Variants in GALNT2 observed in about 807,000 individuals in gnomAD.
GALNT2 encodes the protein UDP-GalNAc:polypeptide N-acetylgalactosaminyltransferase 2.
Under a neutral mutation model 81.4 loss-of-function variants are expected in GALNT2, and 31 were observed. That is an observed-to-expected ratio of 0.38 (90% confidence interval 0.29 to 0.51). The LOEUF (loss-of-function observed/expected upper bound fraction) is 0.51. Among genes scored for constraint, GALNT2 ranks in the 20% least tolerant of loss-of-function variants. The probability of loss-of-function intolerance (pLI) is 0.87; values close to 1 mark genes in which losing one functional copy is unlikely to be tolerated. For missense variants in GALNT2, 629 were observed against 765.7 expected (o/e 0.82, Z 2.11); for synonymous variants, 303 against 287.4 (o/e 1.05, Z -0.55).
At chr1:230,092,265 C>G (rs1660115906) in intron 1 of GALNT2, among the ~76,000 whole-genome samples, 1 of 142,596 alleles carries the variant, frequency 7.0e-6, no homozygotes, top group South Asian at 2.2e-4. Flanking sequence ...TCATTAGCTA[C>G]TTTCTAAATC....
intron 1 of GALNT2, among the ~76,000 whole-genome samples, chr1:230,092,739 A>G (rs16850893): frequency 0.016 from 2,469 of 152,328 alleles, 66 homozygotes; most frequent in African/African-American, 0.056. Flanking sequence ...TTTAAGCAAC[A>G]TATATCTCTA....
chr1:230,099,060 G>A (rs569826406), intron 1 of GALNT2, among the ~76,000 whole-genome samples: 1 of 152,344 alleles, frequency 6.6e-6, no homozygotes, highest in East Asian at 1.9e-4. Flanking sequence ...TCAGCTTCAT[G>A]TAGCCAAGGA....
intron 1 of GALNT2, among the ~76,000 whole-genome samples, chr1:230,150,761 G>T (rs896211907): frequency 1.3e-5 from 2 of 152,250 alleles, no homozygotes; most frequent in Admixed American, 6.5e-5. Context: ...GGGAGGCACA[G>T]ACACACACTC....
intron 1 of GALNT2, among the ~76,000 whole-genome samples, chr1:230,114,116 CAG>C (rs1056215926): frequency 1.3e-5 from 2 of 152,080 alleles, no homozygotes; most frequent in Non-Finnish European, 2.9e-5. Flanking sequence ...TCTGTTAGGA[CAG>C]GGGGTTTCTG....
chr1:230,273,048 G>C (rs1014023910), intron 14 of GALNT2, among the ~76,000 whole-genome samples: 1 of 152,114 alleles, frequency 6.6e-6, no homozygotes, highest in Admixed American at 6.5e-5. Flanking sequence ...TGGGATTATA[G>C]ATAGGCCTGA....
intron 14 of GALNT2, among the ~76,000 whole-genome samples, chr1:230,270,506 C>T (rs1368672741): frequency 1.3e-5 from 2 of 152,234 alleles, no homozygotes; most frequent in African/African-American, 4.8e-5. Context: ...AGTTTAATTT[C>T]ATTTCATTCT....
chr1:230,109,866 GCAGT>G (rs1014994336), intron 1 of GALNT2, among the ~76,000 whole-genome samples: 121 of 152,266 alleles, frequency 7.9e-4, no homozygotes, highest in South Asian at 2.9e-3. Flanking sequence ...TGTTAGGGAG[GCAGT>G]CAGTGAGCCT....
intron 3 of GALNT2, among the ~76,000 whole-genome samples, chr1:230,219,051 A>G (rs1297118654): frequency 6.6e-6 from 1 of 152,162 alleles, no homozygotes; most frequent in African/African-American, 2.4e-5. Context: ...ATCCCAAACC[A>G]TCTCCCCTCT....
Position 230,222,845 on chromosome 1 carries a change from ATAGT to A in GALNT2, c.375-13165_375-13162del, listed in dbSNP as rs529771363. On this transcript the variant is annotated intron_variant, in intron 3 of 15. Transcript: ENST00000366672. ...CTGTTGTTATTGTTACTAAGATTTG[ATAGT>A]TAGAGAAACAGAACTTGCCCCATTA... Among the ~76,000 whole-genome samples, 583 of 152,266 alleles carry A rather than the reference ATAGT, an allele frequency of 3.8e-3. 6 individuals carry two copies. The highest frequency in any genetic ancestry group is 0.014 in the African/African-American group (564 of 41,540).
At chr1:230,075,140 T>TTTTTTTTG (rs1399602658) in intron 1 of GALNT2, among the ~76,000 whole-genome samples, 3 of 145,338 alleles carry the variant, frequency 2.1e-5, no homozygotes, top group African/African-American at 5.2e-5. Context: ...TTTTTTTTTT[T>TTTTTTTTG]TTTGAGACAA....
intron 1 of GALNT2, among the ~76,000 whole-genome samples, chr1:230,111,434 A>C (rs1281914356): frequency 6.6e-6 from 1 of 152,216 alleles, no homozygotes; most frequent in African/African-American, 2.4e-5. Context: ...ATTTACCTAC[A>C]TTTCAAGGTG....
At position 230,098,925 on chromosome 1, in the gene GALNT2, C is replaced by T. The variant is rs945828237; in HGVS notation, c.126+31519C>T. Among the ~76,000 whole-genome samples the T allele has an allele frequency of 3.9e-5, 6 of 152,110 alleles. No homozygotes were observed. In the South Asian group the frequency reaches 6.2e-4, roughly 16 times the overall value. On this transcript the variant is annotated intron_variant, in intron 1 of 15. Transcript: ENST00000366672. Reference sequence around the variant, plus strand: ...TTCCTATATGAATCTGGGTGATTGACAAGAAATTCTAGTGGAAGTGACATG... The same window carrying T: ...TTCCTATATGAATCTGGGTGATTGATAAGAAATTCTAGTGGAAGTGACATG...
At chr1:230,210,879 G>A (rs999817100) in intron 3 of GALNT2, among the ~76,000 whole-genome samples, 14 of 152,192 alleles carry the variant, frequency 9.2e-5, no homozygotes, top group African/African-American at 3.4e-4. Flanking sequence ...AGGATTGTGG[G>A]GAAAGATAAA....
chr1:230,222,298 T>A (rs562924338), intron 3 of GALNT2, among the ~76,000 whole-genome samples: 2 of 152,230 alleles, frequency 1.3e-5, no homozygotes, highest in African/African-American at 2.4e-5. Flanking sequence ...CTTTTCTCTT[T>A]AATGCATTCA....
At chr1:230,274,606 G>T in intron 15 of GALNT2, 42 bp downstream of exon 15, 2 of 1,611,020 alleles carry the variant, frequency 1.2e-6, no homozygotes, top group South Asian at 1.1e-5. Flanking sequence ...GATTAACCCA[G>T]ACCAGGGTAG....
intron 2 of GALNT2, among the ~76,000 whole-genome samples, chr1:230,197,429 C>T (rs564948182): frequency 6.6e-6 from 1 of 152,146 alleles, no homozygotes; most frequent in African/African-American, 2.4e-5. Context: ...CCTGCTCGCC[C>T]CCCCGGGGTC....
Position 230,279,550 on chromosome 1 carries a change from G to A in GALNT2, c.*92G>A, listed in dbSNP as rs1421617751. 9.1e-6 allele frequency: 13 copies of A among 1,431,072 alleles called. No individual in the cohort carries two copies. The highest frequency in any genetic ancestry group is 2.5e-4 in the Middle Eastern group (1 of 4,014). The allele number at this position is 1,431,072 out of a possible 1,614,324, so 88.6% of individuals were successfully genotyped here. On this transcript the variant is annotated 3_prime_UTR_variant, in exon 16 of 16. Transcript: ENST00000366672. This position sits in a 1 kb window ranked among gnomAD's most constrained non-coding sequence, Gnocchi z 4.6. ...TGATTATGTTTCTTAAACTTTCCGC[G>A]AAACTAATATACCTCAGTATTCCAT... is the stretch of plus-strand genomic sequence containing the variant.
chr1:230,215,196 G>T (rs981997729), intron 3 of GALNT2, among the ~76,000 whole-genome samples: 1 of 152,202 alleles, frequency 6.6e-6, no homozygotes, highest in African/African-American at 2.4e-5. Context: ...ATGTATCAGA[G>T]CCCAGTTTCC....
intron 1 of GALNT2, among the ~76,000 whole-genome samples, chr1:230,171,149 A>G (rs915987006): frequency 1.3e-5 from 2 of 152,250 alleles, no homozygotes; most frequent in African/African-American, 2.4e-5. Context: ...AGAATTAGAA[A>G]TAAGTCCTTC....
Sources: gnomAD v4.1 joint callset for allele counts (sites outside exome capture counted in the v4.1 genomes callset) on GRCh38, gnomAD v4.1.1 for gene constraint, Gnocchi (gnomAD v3.1) non-coding constraint, MANE v1.5 for transcripts, NCBI Gene and HGNC (gene_info 2026-07-23, HGNC 2026-07-21) for gene names.